Variants in POLN observed in about 807,000 individuals in gnomAD.
POLN encodes DNA polymerase N.
In POLN, 108 loss-of-function variants were observed where a neutral mutation model predicts 113.5. The ratio of observed to expected loss-of-function variants is 0.95; its 90% CI spans 0.81 to 1.12. The LOEUF is 1.12. POLN is among the 50% of genes most tolerant of loss of function. The pLI is 0.00. For synonymous variants in POLN, 386 were observed against 391.5 expected (o/e 0.99, Z 0.17); for missense variants, 1,097 against 1,077.1 (o/e 1.02, Z -0.26).
chr4:2,193,409 C>CTG, intron 6 of POLN, 93 bp from the exon 7 acceptor site: 4 of 732,242 alleles, frequency 5.5e-6, no homozygotes, highest in Non-Finnish European at 9.0e-6. Flanking sequence ...ACAGCTATCA[C>CTG]TTAGATAGCA....
chr4:2,130,708 T>C (rs947610918), intron 17 of POLN, among the ~76,000 whole-genome samples: 2 of 152,150 alleles, frequency 1.3e-5, no homozygotes, highest in African/African-American at 4.8e-5. Context: ...AAAGCTGCTT[T>C]CCTGATATAA....
chr4:2,080,292 ATG>A (rs1478716654), intron 23 of POLN: 2 of 992,242 alleles, frequency 2.0e-6, no homozygotes. Flanking sequence ...CTCTTGAGGA[ATG>A]TGCCCTGGGG....
intron 19 of POLN, among the ~76,000 whole-genome samples, chr4:2,111,395 T>C (rs1731190542): frequency 6.6e-6 from 1 of 152,012 alleles, no homozygotes; most frequent in South Asian, 2.1e-4. Flanking sequence ...GCCAGGGCAA[T>C]CAGGCAGGAG....
intron 4 of POLN, among the ~76,000 whole-genome samples, chr4:2,210,925 A>G (rs1190051351): frequency 7.2e-6 from 1 of 138,180 alleles, no homozygotes; most frequent in Admixed American, 7.3e-5. Context: ...TCAAAACATA[A>G]TAAATAAATA....
chr4:2,101,791 T>C (rs35731233), intron 19 of POLN, among the ~76,000 whole-genome samples: 1,714 of 152,316 alleles, frequency 0.011, 37 homozygotes, highest in African/African-American at 0.039. Flanking sequence ...GAAGCAAGCA[T>C]GGCATGGGCT....
At chr4:2,110,605 T>C (rs1430724185) in intron 19 of POLN, among the ~76,000 whole-genome samples, 2 of 152,100 alleles carry the variant, frequency 1.3e-5, no homozygotes, top group Non-Finnish European at 2.9e-5. Flanking sequence ...GAGAATACTA[T>C]AAACACCTCT....
At chr4:2,239,974 ATAT>A in intron 2 of POLN, 1 of 1,285,762 alleles carries the variant, frequency 7.8e-7, no homozygotes. Flanking sequence ...TTTAACAGCA[ATAT>A]TATCTCCTCT....
chr4:2,238,460 T>C, intron 2 of POLN: 2 of 492,538 alleles, frequency 4.1e-6, no homozygotes, highest in South Asian at 4.1e-5. Context: ...AAAAAAGGCA[T>C]ATGAAAATGG....
chr4:2,078,074 C>T (rs1317427635), intron 23 of POLN, among the ~76,000 whole-genome samples: 1 of 152,246 alleles, frequency 6.6e-6, no homozygotes, highest in East Asian at 1.9e-4. Flanking sequence ...GCAGGGGCAG[C>T]TCCCTTGCAA....
intron 3 of POLN, among the ~76,000 whole-genome samples, chr4:2,223,225 T>A (rs1484368373): frequency 4.6e-5 from 7 of 152,202 alleles, no homozygotes; most frequent in Admixed American, 6.5e-5. Flanking sequence ...TTCATTGTTA[T>A]GAAAACATCA....
At chr4:2,218,277 C>CAA (rs376746658) in intron 3 of POLN, among the ~76,000 whole-genome samples, 14,524 of 89,606 alleles carry the variant, frequency 0.16, 1,228 homozygotes, top group East Asian at 0.37. Flanking sequence ...ACTAAAAATA[C>CAA]AAAAAAAAAA....
chr4:2,160,438 G>T (rs1022483274), intron 13 of POLN, among the ~76,000 whole-genome samples: 23 of 151,456 alleles, frequency 1.5e-4, no homozygotes, highest in Non-Finnish European at 1.6e-4. Flanking sequence ...ATAAGGTCTT[G>T]CTCTGTTCCC....
At chr4:2,081,977 CAG>C (rs1253515767) in intron 21 of POLN, among the ~76,000 whole-genome samples, 7 of 114,984 alleles carry the variant, frequency 6.1e-5, no homozygotes, top group African/African-American at 2.7e-4. Flanking sequence ...TTTTTTGAGA[CAG>C]AGTGAGACTC....
chr4:2,072,492 C>T (rs1730173093), intron 25 of POLN, among the ~76,000 whole-genome samples, 193 bp from the exon 26 acceptor site: 1 of 152,238 alleles, frequency 6.6e-6, no homozygotes, highest in Non-Finnish European at 1.5e-5. Context: ...GCTTATGCCA[C>T]ATCCACCTCC....
intron 7 of POLN, among the ~76,000 whole-genome samples, chr4:2,182,257 C>T (rs765483071): frequency 6.2e-4 from 94 of 152,014 alleles, no homozygotes; most frequent in Non-Finnish European, 1.1e-3. Flanking sequence ...GAAATAAGGG[C>T]CTTTGCAGAT....
chr4:2,077,558 C>T (rs1439334112), intron 23 of POLN, among the ~76,000 whole-genome samples: 1 of 152,254 alleles, frequency 6.6e-6, no homozygotes, highest in African/African-American at 2.4e-5. Context: ...TCAGCACCAG[C>T]AAGCTTGTCT....
chr4:2,165,579 A>G (rs2108744654), intron 13 of POLN, among the ~76,000 whole-genome samples: 1 of 152,254 alleles, frequency 6.6e-6, no homozygotes, highest in Middle Eastern at 3.4e-3. Flanking sequence ...GTCCAAGAGT[A>G]TATTGTGTAA....
chr4:2,160,483 T>C (rs780707490), intron 13 of POLN, among the ~76,000 whole-genome samples: 19 of 152,114 alleles, frequency 1.2e-4, no homozygotes, highest in Non-Finnish European at 2.2e-4. Flanking sequence ...CATAACTCAC[T>C]GCAACCTTAA....
Position 2,095,908 on chromosome 4 carries a change from TCACCTGTTCCACGGG to T in POLN, c.1993_2007del (p.Pro665_Val669del). ...TTGGTTTGCTCTCTGTCTGCGTGTGTCACCTGTTCCACGGGCACATCCTTCCTGCATGGAGAGACC... is the reference window on the plus strand; with the variant it reads ...TTGGTTTGCTCTCTGTCTGCGTGTGTCACATCCTTCCTGCATGGAGAGACC... On this transcript the variant is annotated inframe_deletion, in exon 20 of 26. Transcript: ENST00000511885. The T allele has an allele frequency of 6.2e-7, 1 of 1,614,196 alleles. No individual in the cohort carries two copies. The highest frequency in any genetic ancestry group is 8.5e-7 in the Non-Finnish European group (1 of 1,180,032).
Sources: allele counts gnomAD v4.1 joint callset (sites outside exome capture counted in the v4.1 genomes callset), GRCh38; gene constraint gnomAD v4.1.1; transcripts MANE v1.5; gene names NCBI Gene and HGNC (gene_info 2026-07-23, HGNC 2026-07-21).